CNTNAP4: variants seen among roughly 807,000 people sequenced by gnomAD.
The protein encoded by CNTNAP4 is contactin-associated protein-like 4.
In CNTNAP4, 98 loss-of-function variants were observed where a neutral mutation model predicts 148.4. The ratio of observed to expected loss-of-function variants is 0.66; its 90% CI spans 0.56 to 0.78. The LOEUF is 0.78. Among genes scored for constraint, CNTNAP4 ranks in the 30% least tolerant of loss-of-function variants. The probability of loss-of-function intolerance (pLI) is 0.00; values close to 1 mark genes in which losing one functional copy is unlikely to be tolerated. For missense variants in CNTNAP4, 1,935 were observed against 1,565.6 expected, an observed-to-expected ratio of 1.24 and a Z score of -3.98; for synonymous variants, 730 against 565.1, an observed-to-expected ratio of 1.29 and a Z score of -4.14.
chr16:76,502,915 G>C lies in CNTNAP4; in HGVS notation c.2365+4221G>C, dbSNP rs563796171. ...GCCATGTTTTTCTAGGAAAGAAGGT[G>C]AAGTTGTGGGAAAGCAGGACAAATA... On this transcript the variant is annotated intron_variant, in intron 15 of 23. Coordinates refer to ENST00000611870, the MANE Select transcript of CNTNAP4 (RefSeq NM_033401.5). Among the ~76,000 whole-genome samples, 8 of 152,236 alleles carry C rather than the reference G, an allele frequency of 5.3e-5. 1 individual carries two copies. The South Asian group carries it at 1.7e-3, about 32-fold the overall frequency.
intron 20 of CNTNAP4, among the ~76,000 whole-genome samples, chr16:76,540,254 G>C (rs1409885019): frequency 1.3e-5 from 2 of 152,036 alleles, no homozygotes; most frequent in Non-Finnish European, 2.9e-5. Context: ...TATTCATGGA[G>C]CCAGTTTTTG....
intron 1 of CNTNAP4, among the ~76,000 whole-genome samples, chr16:76,284,895 C>T (rs143128312): frequency 2.1e-4 from 32 of 152,130 alleles, no homozygotes; most frequent in African/African-American, 6.3e-4. Context: ...ACCAATCTGA[C>T]ATATAATTGC....
intron 1 of CNTNAP4, among the ~76,000 whole-genome samples, chr16:76,299,791 T>C (rs1394873657): frequency 6.6e-6 from 1 of 152,130 alleles, no homozygotes; most frequent in Admixed American, 6.5e-5. Context: ...GTGGCACATA[T>C]ACACCACAGA....
chr16:76,354,649 T>C (rs1189193964), intron 2 of CNTNAP4, among the ~76,000 whole-genome samples: 2 of 152,134 alleles, frequency 1.3e-5, no homozygotes, highest in African/African-American at 4.8e-5. Flanking sequence ...GCTTGCAAAA[T>C]TGAAAATTTA....
At chr16:76,433,933 C>CT (rs1183884763) in intron 4 of CNTNAP4, among the ~76,000 whole-genome samples, 1 of 151,790 alleles carries the variant, frequency 6.6e-6, no homozygotes, top group Non-Finnish European at 1.5e-5. Flanking sequence ...TATAAATTCT[C>CT]TAATTCTTTG....
rs758984385 is a variant in CNTNAP4, at chr16:76,539,877, C to A, written c.3354+25C>A. On this transcript the variant is annotated intron_variant, in intron 20 of 23. Transcript: ENST00000611870. ...GGTAATGTAGTAAATTCAGCAGAAGCAATCATTTTAATGACTCTCCAGCAT... is the reference window on the plus strand; with the variant it reads ...GGTAATGTAGTAAATTCAGCAGAAGAAATCATTTTAATGACTCTCCAGCAT... 89 of 1,525,302 alleles carry A rather than the reference C, an allele frequency of 5.8e-5. No individual in the cohort carries two copies. The Middle Eastern group carries it at 1.4e-3, about 24-fold the overall frequency. 94.5% of individuals were successfully genotyped at this position (1,525,302 alleles called of 1,614,324 possible).
At chr16:76,302,252 A>C (rs1960050563) in intron 1 of CNTNAP4, among the ~76,000 whole-genome samples, 1 of 152,184 alleles carries the variant, frequency 6.6e-6, no homozygotes. Flanking sequence ...AGATCTGACA[A>C]AATTAACCCT....
At chr16:76,310,971 T>C (rs1961036314) in intron 1 of CNTNAP4, among the ~76,000 whole-genome samples, 1 of 152,168 alleles carries the variant, frequency 6.6e-6, no homozygotes, top group Admixed American at 6.6e-5. Context: ...TATTTAATTC[T>C]TGTGCTCTTT....
intron 2 of CNTNAP4, among the ~76,000 whole-genome samples, chr16:76,336,411 G>T (rs1029114038): frequency 9.2e-5 from 14 of 152,050 alleles, no homozygotes. Flanking sequence ...TACACCACGG[G>T]AATTGACAAA....
intron 3 of CNTNAP4, among the ~76,000 whole-genome samples, chr16:76,393,842 T>C (rs1289729681): frequency 6.6e-6 from 1 of 152,218 alleles, no homozygotes; most frequent in Admixed American, 6.5e-5. Flanking sequence ...CTGTTGGATC[T>C]ACCAAGAAGC....
At chr16:76,404,403 C>G (rs931742395) in intron 3 of CNTNAP4, among the ~76,000 whole-genome samples, 2 of 151,350 alleles carry the variant, frequency 1.3e-5, no homozygotes, top group Non-Finnish European at 2.9e-5. Flanking sequence ...GTTTGGTGAC[C>G]TCTTACAGAG....
chr16:76,493,547 T>G (rs2082298785), intron 13 of CNTNAP4, among the ~76,000 whole-genome samples: 1 of 152,198 alleles, frequency 6.6e-6, no homozygotes, highest in Non-Finnish European at 1.5e-5. Context: ...TTCAGTGATT[T>G]CTATTTTATA....
chr16:76,502,018 G>C (rs182130879), intron 15 of CNTNAP4, among the ~76,000 whole-genome samples: 4 of 151,210 alleles, frequency 2.6e-5, no homozygotes, highest in African/African-American at 9.7e-5. Flanking sequence ...GCAGTGAGCC[G>C]AGATCCCGCC....
At chr16:76,321,869 G>A (rs1370654439) in intron 2 of CNTNAP4, among the ~76,000 whole-genome samples, 2 of 151,046 alleles carry the variant, frequency 1.3e-5, no homozygotes, top group East Asian at 1.9e-4. Context: ...AATACTTTCT[G>A]TATGAAAAAA....
At chr16:76,305,400 A>G (rs916058470) in intron 1 of CNTNAP4, among the ~76,000 whole-genome samples, 5 of 151,828 alleles carry the variant, frequency 3.3e-5, no homozygotes, top group Non-Finnish European at 5.9e-5. Context: ...ATTAGCTGGC[A>G]TTTTTTTTAA....
At chr16:76,318,800 A>G (rs1260596968) in intron 2 of CNTNAP4, among the ~76,000 whole-genome samples, 1 of 149,888 alleles carries the variant, frequency 6.7e-6, no homozygotes, top group Non-Finnish European at 1.5e-5. Context: ...TAATTATGAG[A>G]AATTATTCTC....
chr16:76,515,912 T>C (rs999322169), intron 15 of CNTNAP4, among the ~76,000 whole-genome samples: 1 of 152,062 alleles, frequency 6.6e-6, no homozygotes. Flanking sequence ...GAAAACCGTT[T>C]AGTAGTTTCT....
At chr16:76,548,236 C>G (rs2084815500) in intron 21 of CNTNAP4, among the ~76,000 whole-genome samples, 1 of 149,920 alleles carries the variant, frequency 6.7e-6, no homozygotes, top group African/African-American at 2.4e-5. Flanking sequence ...GGTGGAATTG[C>G]ATAAAATAGT....
At chr16:76,386,187 G>C (rs965427043) in intron 3 of CNTNAP4, among the ~76,000 whole-genome samples, 6 of 152,082 alleles carry the variant, frequency 3.9e-5, no homozygotes, top group African/African-American at 1.4e-4. Context: ...TCACAATACA[G>C]TATCTATGAA....
Sources: gnomAD v4.1 joint callset for allele counts (sites outside exome capture counted in the v4.1 genomes callset) on GRCh38, gnomAD v4.1.1 for gene constraint, MANE v1.5 for transcripts, NCBI Gene and HGNC (gene_info 2026-07-23, HGNC 2026-07-21) for gene names.